WAS: variants seen among roughly 807,000 people sequenced by gnomAD.
WAS encodes the protein WASP actin nucleation promoting factor.
Under a neutral mutation model 38.9 loss-of-function variants are expected in WAS, and 1 was observed. The observed-to-expected ratio is 0.03, with a 90% CI of 0.01 to 0.12. The LOEUF (loss-of-function observed/expected upper bound fraction) is 0.12, where lower values mean the gene tolerates loss of function less well. Ranked by LOEUF, WAS falls within the 10% of genes least tolerant of loss-of-function variation. The pLI is 1.00. For missense variants in WAS, 311 were observed against 431.2 expected (o/e 0.72, Z 2.47); for synonymous variants, 182 against 173.6 (o/e 1.05, Z -0.38).
At chrX:48,684,836 T>C (rs889662728) in intron 2 of WAS, among the ~76,000 whole-genome samples, 9 of 111,559 alleles carry the variant, frequency 8.1e-5, no homozygotes, top group African/African-American at 2.9e-4. Flanking sequence ...AGTTGAATAT[T>C]CCATTGATCC....
At chrX:48,685,700 A>C in intron 3 of WAS, 34 bp from the exon 4 acceptor site, 1 of 1,170,845 alleles carries the variant, frequency 8.5e-7, no homozygotes, top group Non-Finnish European at 1.1e-6. Context: ...GTTGCGGGGG[A>C]CCTGGGAGGC....
Position 48,689,667 on chromosome X carries a change from A to C in WAS, c.1453+233A>C, listed in dbSNP as rs1456153999. The C allele has an allele frequency of 1.4e-5, 6 of 418,314 alleles. No homozygotes were observed. The East Asian group carries it at 2.4e-4, about 17-fold the overall frequency. The allele number at this position is 418,314 out of a possible 1,213,427, so 34.5% of individuals were successfully genotyped here. On this transcript the variant is annotated intron_variant, in intron 11 of 11. Coordinates refer to ENST00000376701, the MANE Select transcript of WAS (RefSeq NM_000377.3). ...TTAACATTAATGCCAGGGTGTGTCC[A>C]CAATATTAATGTCATTCCCACATGT...
Position 48,688,353 on chromosome X carries a change from C to T in WAS, c.831C>T (p.Ser277=), listed in dbSNP as rs781920984. ...GTCTGTTCTCCAGGGCAGGAATCAG[C>T]GAGGCCCAGCTCACCGACGCCGAGA... ...LRSLFSRAGI[S]EAQLTDAETS... is the part of the protein sequence containing the mutation. Residue 277 remains serine, a synonymous_variant, in exon 9 of 12, where the codon AGC becomes AGT. Coordinates refer to ENST00000376701, the MANE Select transcript of WAS (RefSeq NM_000377.3). 46 of 1,206,965 alleles carry T rather than the reference C, an allele frequency of 3.8e-5. No individual in the cohort carries two copies. The highest frequency in any genetic ancestry group is 4.4e-5 in the Non-Finnish European group (39 of 893,699).
upstream of WAS, among the ~76,000 whole-genome samples, chrX:48,682,893 CAA>C (rs782137826): frequency 1.3e-5 from 1 of 76,647 alleles, no homozygotes. Context: ...GACTCCATCT[CAA>C]AAAAAAAAAG....
rs782299198 is a variant in WAS, at chrX:48,687,416, A to G, written c.734+461A>G. ...GAATGGATGAATGAATGGGTTGAAG[A>G]ATGAATGGATAAGTGGTTGGATGGA... On this transcript the variant is annotated intron_variant, in intron 7 of 11. Transcript: ENST00000376701. Among the ~76,000 whole-genome samples, 242 of 110,078 alleles carry G rather than the reference A, an allele frequency of 2.2e-3. 3 individuals carry two copies. Among genetic ancestry groups the G allele is most frequent in the African/African-American group, 7.5e-3 (226 of 30,155 alleles).
Position 48,688,314 on chromosome X carries a change from C to T in WAS, c.792C>T (p.Asp264=). ...CTCCTGGGCAGGTGAACAACCTCGA[C>T]CCAGATCTGCGGAGTCTGTTCTCCA... is the stretch of plus-strand genomic sequence containing the variant. The part of the protein sequence containing the change: ...PQNGFDVNNL[D]PDLRSLFSRA... Residue 264 remains aspartate, a synonymous_variant, in exon 9 of 12, where the codon GAC becomes GAT. Coordinates refer to ENST00000376701, the MANE Select transcript of WAS (RefSeq NM_000377.3). 8.3e-7 allele frequency: 1 copy of T among 1,206,769 alleles called. No homozygotes were observed. Among genetic ancestry groups the T allele is most frequent in the South Asian group, 1.8e-5 (1 of 56,007 alleles).
upstream of WAS, among the ~76,000 whole-genome samples, chrX:48,680,813 C>T (rs1208989973): frequency 8.9e-6 from 1 of 112,067 alleles, no homozygotes; most frequent in African/African-American, 3.2e-5. Context: ...TGCTGCTCTG[C>T]CTATGGAGTA....
chrX:48,678,000 T>C (rs1228549434), intron 1 of WAS, among the ~76,000 whole-genome samples: 2 of 111,614 alleles, frequency 1.8e-5, no homozygotes, highest in Non-Finnish European at 3.8e-5. Flanking sequence ...TCGGGGTGTG[T>C]TTTGGGAATT....
intron 7 of WAS, 150 bp downstream of exon 7, chrX:48,687,105 G>A: frequency 2.7e-6 from 2 of 747,936 alleles, no homozygotes; most frequent in Non-Finnish European, 4.0e-6. Flanking sequence ...GTAGGTGCAG[G>A]GCTGGGTCTA....
chrX:48,677,349 G>A (rs1443697155), intron 1 of WAS, among the ~76,000 whole-genome samples: 2 of 111,272 alleles, frequency 1.8e-5, no homozygotes, highest in African/African-American at 3.3e-5. Flanking sequence ...GCTTGAGGGA[G>A]GGGGGAATCT....
In WAS at chrX:48,688,850, T is replaced by C. The variant is rs782466836; in HGVS notation, c.1122T>C (p.Ala374=). 7.9e-6 allele frequency: 8 copies of C among 1,016,194 alleles called. No individual in the cohort carries two copies. The highest frequency in any genetic ancestry group is 9.0e-6 in the Non-Finnish European group (7 of 780,611). The allele number at this position is 1,016,194 out of a possible 1,213,427, so 83.7% of individuals were successfully genotyped here. Reference sequence around the variant, plus strand: ...GCCCTCCACCACCACCCCCTCCAGCTACTGGACGTTCTGGACCACTGCCCC... The same window carrying C: ...GCCCTCCACCACCACCCCCTCCAGCCACTGGACGTTCTGGACCACTGCCCC... The part of the protein sequence containing the change: ...RGGPPPPPPP[A]TGRSGPLPPP... Residue 374 remains alanine, a synonymous_variant, in exon 10 of 12, where the codon GCT becomes GCC. Coordinates refer to ENST00000376701, the MANE Select transcript of WAS (RefSeq NM_000377.3).
At chrX:48,681,234 G>A (rs1410041576), upstream of WAS, among the ~76,000 whole-genome samples, 1 of 111,392 alleles carries the variant, frequency 9.0e-6, no homozygotes. Flanking sequence ...GCAATGGCAC[G>A]ATCTCGGCTC....
intron 11 of WAS, among the ~76,000 whole-genome samples, chrX:48,690,106 T>G (rs1410829412): frequency 8.9e-6 from 1 of 111,946 alleles, no homozygotes; most frequent in African/African-American, 3.2e-5. Flanking sequence ...TAATTCATTA[T>G]GACGTAACCT....
intron 9 of WAS, 71 bp from the exon 10 acceptor site, chrX:48,688,589 A>G: frequency 8.4e-7 from 1 of 1,197,474 alleles, no homozygotes; most frequent in Non-Finnish European, 1.1e-6. Flanking sequence ...TACCCATTTT[A>G]CAAATGAGCA....
upstream of WAS, among the ~76,000 whole-genome samples, chrX:48,681,359 C>T (rs781963955): frequency 5.4e-5 from 6 of 111,177 alleles, no homozygotes; most frequent in Middle Eastern, 4.7e-3. Context: ...TTAGTAGAGA[C>T]GGGGTTTCAT....
chrX:48,686,089 G>A lies in WAS; in HGVS notation c.514G>A (p.Gly172Arg), dbSNP rs1250456911. ...PPTPANEERR[G>R]GLPPLPLHPG... ...ACATTCCATCTTCCCAGAGAGAAGA[G>A]GAGGGCTCCCACCCCTGCCCCTGCA... Residue 172 changes from glycine (G) to arginine (R), a missense_variant, in exon 6 of 12, where the codon GGA becomes AGA. Physicochemically the swap from Gly to Arg is moderately radical, Grantham distance 125. Around this residue, in one of 4 missense-constraint regions of WAS, gnomAD observed 31 missense variants for 20.1 expected, o/e 1.55. Coordinates refer to ENST00000376701, the MANE Select transcript of WAS (RefSeq NM_000377.3). The A allele has an allele frequency of 1.7e-6, 2 of 1,210,735 alleles. No homozygotes were observed. The highest frequency in any genetic ancestry group is 2.2e-6 in the Non-Finnish European group (2 of 895,324).
chrX:48,685,918 T>C (rs782227473), intron 4 of WAS, 28 bp from the exon 5 acceptor site: 2 of 1,211,343 alleles, frequency 1.7e-6, no homozygotes, highest in South Asian at 1.8e-5. Context: ...CCTCTCATGG[T>C]CCTGGCTCCC....
At chrX:48,684,788 C>A (rs1393363153) in intron 2 of WAS, among the ~76,000 whole-genome samples, 1 of 111,704 alleles carries the variant, frequency 9.0e-6, no homozygotes, top group Non-Finnish European at 1.9e-5. Context: ...AGATGTTTGC[C>A]AAGCTCCTAA....
At chrX:48,677,822 C>T (rs782777479) in intron 1 of WAS, among the ~76,000 whole-genome samples, 3 of 112,333 alleles carry the variant, frequency 2.7e-5, no homozygotes, top group Non-Finnish European at 5.6e-5. Flanking sequence ...TGGCTCCCCA[C>T]GCAGGGGCAG....
Sources: gnomAD v4.1 joint callset for allele counts (sites outside exome capture counted in the v4.1 genomes callset) on GRCh38, gnomAD v4.1.1 for gene constraint, gnomAD v4.1.1 regional missense constraint, MANE v1.5 for transcripts, NCBI Gene and HGNC (gene_info 2026-07-23, HGNC 2026-07-21) for gene names.